PCDHGA9: variants seen among roughly 807,000 people sequenced by gnomAD.
The protein encoded by PCDHGA9 is protocadherin gamma-A9.
Under a neutral mutation model 62.5 loss-of-function variants are expected in PCDHGA9, and 37 were observed. The ratio of observed to expected loss-of-function variants is 0.59; its 90% CI spans 0.46 to 0.78. PCDHGA9 has a LOEUF of 0.78. Ranked by LOEUF, PCDHGA9 falls within the 30% of genes least tolerant of loss-of-function variation. The pLI, the probability that PCDHGA9 is intolerant of heterozygous loss-of-function variation, is 0.00. For synonymous variants in PCDHGA9, 459 were observed against 484.6 expected (o/e 0.95, Z 0.69); for missense variants, 1,138 against 1,166.2 (o/e 0.98, Z 0.35).
intron 1 of PCDHGA9, among the ~76,000 whole-genome samples, chr5:141,481,869 G>A (rs909237712): frequency 4.1e-5 from 6 of 146,780 alleles, no homozygotes; most frequent in East Asian, 2.0e-4. Flanking sequence ...AGCCGAGATC[G>A]CGCCACTGCA....
intron 1 of PCDHGA9, among the ~76,000 whole-genome samples, chr5:141,449,630 T>C (rs1006977026): frequency 6.7e-6 from 1 of 150,024 alleles, no homozygotes; most frequent in South Asian, 2.1e-4. Flanking sequence ...TTTAAAAAGA[T>C]GTATCTATAT....
chr5:141,427,819 T>C, intron 1 of PCDHGA9: 1 of 1,531,664 alleles, frequency 6.5e-7, no homozygotes, highest in Non-Finnish European at 8.9e-7. Context: ...AGCGGGGTGG[T>C]GGTCGCGCAG....
intron 1 of PCDHGA9, chr5:141,423,265 G>T: frequency 6.2e-7 from 1 of 1,613,666 alleles, no homozygotes; most frequent in Non-Finnish European, 8.5e-7. Flanking sequence ...CGGCAGCCTC[G>T]AGTCTCTGGC....
Position 141,403,120 on chromosome 5 carries a change from C to T in PCDHGA9, c.168C>T (p.Pro56=). ...TCTCCAAGGACCTGGCTCTGGAGCC[C>T]CGGGAGCTGGCGGAGCGCCGAGTCC... ...GNISKDLALE[P]RELAERRVRI... The change falls in exon 1 of 4, where the codon CCC becomes CCT. Residue 56 remains proline (P), a synonymous_variant. Coordinates refer to ENST00000573521, the MANE Select transcript of PCDHGA9 (RefSeq NM_018921.3). 1.2e-6 allele frequency: 2 copies of T among 1,614,050 alleles called. No individual in the cohort carries two copies. Among genetic ancestry groups the T allele is most frequent in the Non-Finnish European group, 1.7e-6 (2 of 1,179,906 alleles).
intron 2 of PCDHGA9, among the ~76,000 whole-genome samples, chr5:141,499,984 G>A (rs1350203006): frequency 6.6e-6 from 1 of 151,872 alleles, no homozygotes; most frequent in East Asian, 1.9e-4. Context: ...CACCTTGCCC[G>A]GCCAGATGAT....
chr5:141,472,853 G>A (rs1283601489), intron 1 of PCDHGA9, among the ~76,000 whole-genome samples: 1 of 151,738 alleles, frequency 6.6e-6, no homozygotes, highest in Non-Finnish European at 1.5e-5. Flanking sequence ...GGGCATGGTG[G>A]CACATGCCTG....
Position 141,490,920 on chromosome 5 carries a change from T to A in PCDHGA9, c.2425-3887T>A. 1.2e-6 allele frequency: 2 copies of A among 1,613,638 alleles called. No homozygotes were observed. The highest frequency in any genetic ancestry group is 1.7e-6 in the Non-Finnish European group (2 of 1,179,684). The stretch of plus-strand genomic sequence containing the variant: ...TGTTTGTCCTAGACGAGAATGATAA[T>A]GCCCCAGCTGTGCTGCACCCACGGC... On this transcript the variant is annotated intron_variant, in intron 1 of 3. Coordinates refer to ENST00000573521, the MANE Select transcript of PCDHGA9 (RefSeq NM_018921.3). This position sits in a 1 kb window ranked among gnomAD's most constrained non-coding sequence, Gnocchi z 5.4.
At position 141,403,068 on chromosome 5, in the gene PCDHGA9, C is replaced by T; in HGVS notation, c.116C>T (p.Thr39Ile). The change falls in exon 1 of 4, where the codon ACA becomes ATA. Residue 39 changes from threonine (T) to isoleucine (I), a missense_variant. Thr to Ile is a moderately conservative substitution (Grantham distance 89). Coordinates refer to ENST00000573521, the MANE Select transcript of PCDHGA9 (RefSeq NM_018921.3). ...SQIRYSVPEE[T>I]EKGYIVGNIS... ...ATTCGCTACTCAGTGCCTGAAGAGA[C>T]AGAAAAGGGCTATATTGTGGGCAAC... 1 of 1,614,064 alleles carries T rather than the reference C, an allele frequency of 6.2e-7. No homozygotes were observed. Among genetic ancestry groups the T allele is most frequent in the South Asian group, 1.1e-5 (1 of 91,088 alleles).
intron 1 of PCDHGA9, among the ~76,000 whole-genome samples, chr5:141,452,401 G>C (rs2098740635): frequency 6.6e-6 from 1 of 152,134 alleles, no homozygotes. Flanking sequence ...CTAAGATCTG[G>C]GTGTGAGGTA....
intron 1 of PCDHGA9, chr5:141,426,795 C>G (rs1214340018): frequency 2.2e-6 from 1 of 456,700 alleles, no homozygotes. Context: ...GAGTTACCAG[C>G]TCAGTTCTAA....
intron 1 of PCDHGA9, chr5:141,408,379 G>C: frequency 6.2e-7 from 1 of 1,614,032 alleles, no homozygotes; most frequent in South Asian, 1.1e-5. Context: ...TCAGTGTCCT[G>C]GATGTGTCGG....
At chr5:141,438,362 T>C (rs1471364176) in intron 1 of PCDHGA9, among the ~76,000 whole-genome samples, 1 of 151,850 alleles carries the variant, frequency 6.6e-6, no homozygotes, top group East Asian at 1.9e-4. Flanking sequence ...TGTATTGTCA[T>C]TGAGGGCAGA....
At chr5:141,463,803 A>G (rs975202568) in intron 1 of PCDHGA9, among the ~76,000 whole-genome samples, 1 of 152,150 alleles carries the variant, frequency 6.6e-6, no homozygotes, top group Non-Finnish European at 1.5e-5. Flanking sequence ...AATGTCTAAA[A>G]GCTTTTATCA....
chr5:141,417,732 C>T (rs2096153715), intron 1 of PCDHGA9: 4 of 1,390,342 alleles, frequency 2.9e-6, no homozygotes, highest in Admixed American at 2.8e-5. Context: ...AGACCTTGCC[C>T]AGCACACCAG....
Position 141,431,687 on chromosome 5 carries a change from G to A in PCDHGA9, c.2424+26311G>A. On this transcript the variant is annotated intron_variant, in intron 1 of 3. Transcript: ENST00000573521. This position sits in a 1 kb window ranked among gnomAD's most constrained non-coding sequence, Gnocchi z 4.8. ...ATCAACAATAGGGGAGTTGGACCAC[G>A]AGGAGTCAGGATTCTACCAGATGGA... The A allele has an allele frequency of 1.9e-6, 3 of 1,614,214 alleles. No homozygotes were observed. Among genetic ancestry groups the A allele is most frequent in the Middle Eastern group, 1.6e-4 (1 of 6,062 alleles).
At chr5:141,418,066 C>T (rs777602456) in intron 1 of PCDHGA9, 1 of 1,613,980 alleles carries the variant, frequency 6.2e-7, no homozygotes, top group Non-Finnish European at 8.5e-7. Flanking sequence ...TGCGAGTGAG[C>T]GCGGAGAAGC....
At chr5:141,472,805 G>C (rs2099297767) in intron 1 of PCDHGA9, among the ~76,000 whole-genome samples, 1 of 151,688 alleles carries the variant, frequency 6.6e-6, no homozygotes, top group African/African-American at 2.4e-5. Context: ...GACCAACATG[G>C]AGAAACCCCC....
intron 1 of PCDHGA9, among the ~76,000 whole-genome samples, chr5:141,445,320 A>G (rs1462989860): frequency 1.3e-5 from 2 of 152,188 alleles, no homozygotes; most frequent in Non-Finnish European, 2.9e-5. Flanking sequence ...GGTTGAGAGA[A>G]CCCATCCAGA....
chr5:141,420,857 C>T (rs1342820721), intron 1 of PCDHGA9, among the ~76,000 whole-genome samples: 1 of 152,220 alleles, frequency 6.6e-6, no homozygotes, highest in Non-Finnish European at 1.5e-5. Context: ...AAAGTTTTAA[C>T]GTCACATAAT....
Sources: gnomAD v4.1 joint callset for allele counts (sites outside exome capture counted in the v4.1 genomes callset) on GRCh38, gnomAD v4.1.1 for gene constraint, Gnocchi (gnomAD v3.1) non-coding constraint, MANE v1.5 for transcripts, NCBI Gene and HGNC (gene_info 2026-07-23, HGNC 2026-07-21) for gene names.